Variants in CPEB3 observed in about 807,000 individuals in gnomAD.
CPEB3 encodes cytoplasmic polyadenylation element-binding protein 3.
In CPEB3, 20 loss-of-function variants were observed where a neutral mutation model predicts 67.2. That is an observed-to-expected ratio of 0.30 (90% CI 0.21 to 0.43). The LOEUF (loss-of-function observed/expected upper bound fraction) is 0.43. Ranked by LOEUF, CPEB3 falls within the 20% of genes least tolerant of loss-of-function variation. CPEB3 has a pLI of 1.00. For missense variants in CPEB3, 746 were observed against 968.6 expected (o/e 0.77, Z 3.05); for synonymous variants, 376 against 393.1 (o/e 0.96, Z 0.51).
intron 7 of CPEB3, among the ~76,000 whole-genome samples, chr10:92,100,496 G>GA (rs1324418906): frequency 6.6e-6 from 1 of 152,022 alleles, no homozygotes; most frequent in Non-Finnish European, 1.5e-5. Context: ...GGCTGGTCTC[G>GA]AACTCCTGAC....
At chr10:92,268,631 C>T (rs1853166543) in intron 1 of CPEB3, among the ~76,000 whole-genome samples, 1 of 152,202 alleles carries the variant, frequency 6.6e-6, no homozygotes, top group Non-Finnish European at 1.5e-5. Context: ...TGGTCTCACA[C>T]AACTTGAACT....
chr10:92,243,501 C>T (rs1851935403), intron 1 of CPEB3, among the ~76,000 whole-genome samples: 1 of 152,066 alleles, frequency 6.6e-6, no homozygotes, highest in South Asian at 2.1e-4. Flanking sequence ...TGTCAACTTG[C>T]CATAGGAAGC....
chr10:92,081,018 T>C (rs1047841313), intron 9 of CPEB3, among the ~76,000 whole-genome samples: 4 of 151,994 alleles, frequency 2.6e-5, no homozygotes, highest in African/African-American at 4.8e-5. Context: ...TCACTAGCTC[T>C]CCACCTCTGC....
intron 2 of CPEB3, among the ~76,000 whole-genome samples, chr10:92,208,594 T>C (rs1241689234): frequency 1.3e-5 from 2 of 148,602 alleles, no homozygotes; most frequent in African/African-American, 2.6e-5. Context: ...TTTTTTTTTT[T>C]CTTTCTTTTT....
intron 2 of CPEB3, among the ~76,000 whole-genome samples, chr10:92,226,517 T>C (rs568334109): frequency 1.9e-4 from 29 of 152,268 alleles, no homozygotes; most frequent in African/African-American, 7.0e-4. Flanking sequence ...TAAATGTAGA[T>C]CATAAACACA....
chr10:92,081,551 TC>T, intron 8 of CPEB3, 50 bp from the exon 9 acceptor site: 1 of 1,500,290 alleles, frequency 6.7e-7, no homozygotes, highest in Non-Finnish European at 9.2e-7. Flanking sequence ...TGGGAGGTAC[TC>T]TTGCCCAGGA....
chr10:92,231,911 G>T (rs1851287669), intron 2 of CPEB3, among the ~76,000 whole-genome samples: 1 of 151,660 alleles, frequency 6.6e-6, no homozygotes, highest in East Asian at 1.9e-4. Context: ...GTAGAGACAG[G>T]GTTTCACCAG....
chr10:92,239,653 G>T lies in CPEB3; in HGVS notation c.698C>A (p.Ala233Asp). ...SSAVAAAAAA[A>D]AASSASSSWN... ...GCTGGACGAGGCCGACGAGGCGGCGGCTGCGGCAGCAGCGGCTGCAACCGC... is the reference window on the plus strand; with the variant it reads ...GCTGGACGAGGCCGACGAGGCGGCGTCTGCGGCAGCAGCGGCTGCAACCGC... Residue 233 changes from alanine (A) to aspartate (D), a missense_variant, in exon 2 of 10, where the codon GCC becomes GAC. Physicochemically the swap from Ala to Asp is moderately radical, Grantham distance 126 (BLOSUM62 -2). Coordinates refer to ENST00000265997, the MANE Select transcript of CPEB3 (RefSeq NM_014912.5). The surrounding 1 kb of genome is among the most constrained non-coding windows in gnomAD (Gnocchi z 6.0). The T allele has an allele frequency of 6.4e-7, 1 of 1,561,664 alleles. No individual in the cohort carries two copies. Among genetic ancestry groups the T allele is most frequent in the African/African-American group, 1.4e-5 (1 of 73,672 alleles).
chr10:92,072,240 A>G (rs1450376586), intron 9 of CPEB3, among the ~76,000 whole-genome samples: 1 of 152,206 alleles, frequency 6.6e-6, no homozygotes, highest in Non-Finnish European at 1.5e-5. Flanking sequence ...CTTGACTAAC[A>G]TCCAACCAGA....
intron 2 of CPEB3, among the ~76,000 whole-genome samples, chr10:92,231,894 A>AGT (rs1851287065): frequency 6.6e-6 from 1 of 151,420 alleles, no homozygotes; most frequent in South Asian, 2.1e-4. Flanking sequence ...AAATTTTTGT[A>AGT]TTTTTAGTAG....
intron 3 of CPEB3, among the ~76,000 whole-genome samples, chr10:92,182,707 T>G (rs549971652): frequency 1.1e-3 from 162 of 151,554 alleles, no homozygotes; most frequent in Non-Finnish European, 1.9e-3. Flanking sequence ...ATGCCCATAA[T>G]CCCAGCTACT....
intron 6 of CPEB3, chr10:92,137,592 C>G (rs1846164578): frequency 1.4e-6 from 1 of 695,788 alleles, no homozygotes; most frequent in Non-Finnish European, 2.6e-6. Context: ...AGGGGGTCCA[C>G]CAATTCTACA....
intron 2 of CPEB3, chr10:92,216,458 C>T (rs1850401584): frequency 6.2e-7 from 1 of 1,612,812 alleles, no homozygotes; most frequent in Non-Finnish European, 8.5e-7. Context: ...TTCTCGCCGC[C>T]TCAAGCGGAA....
At chr10:92,121,083 A>G (rs1292382670) in intron 6 of CPEB3, among the ~76,000 whole-genome samples, 1 of 150,872 alleles carries the variant, frequency 6.6e-6, no homozygotes, top group African/African-American at 2.4e-5. Flanking sequence ...ATCTCAGCTC[A>G]TTGCAACCTC....
At chr10:92,121,777 AG>A (rs1422416317) in intron 6 of CPEB3, among the ~76,000 whole-genome samples, 1 of 152,172 alleles carries the variant, frequency 6.6e-6, no homozygotes, top group African/African-American at 2.4e-5. Context: ...CAACCCTAGA[AG>A]GAAAGGTCCA....
intron 7 of CPEB3, among the ~76,000 whole-genome samples, chr10:92,108,422 G>T (rs977707759): frequency 8.0e-5 from 10 of 124,262 alleles, no homozygotes; most frequent in Non-Finnish European, 1.7e-4. Context: ...CCTAGGTAGG[G>T]ACATATGCAT....
At chr10:92,226,919 C>T (rs1236773818) in intron 2 of CPEB3, among the ~76,000 whole-genome samples, 2 of 152,030 alleles carry the variant, frequency 1.3e-5, no homozygotes, top group Non-Finnish European at 1.5e-5. Context: ...GATGTCCGCC[C>T]CCTCCCCCTT....
chr10:92,207,769 C>G (rs1564868111), intron 2 of CPEB3, among the ~76,000 whole-genome samples: 1 of 152,132 alleles, frequency 6.6e-6, no homozygotes, highest in Non-Finnish European at 1.5e-5. Flanking sequence ...ACTCACAAGG[C>G]TGAGGCAGGA....
chr10:92,213,452 G>A (rs1392669864), intron 2 of CPEB3, among the ~76,000 whole-genome samples: 1 of 152,136 alleles, frequency 6.6e-6, no homozygotes, highest in Non-Finnish European at 1.5e-5. Context: ...TCTGTCTAAT[G>A]ATTTAAATTA....
Sources: allele counts gnomAD v4.1 joint callset (sites outside exome capture counted in the v4.1 genomes callset), GRCh38; gene constraint gnomAD v4.1.1; non-coding constraint Gnocchi (gnomAD v3.1); transcripts MANE v1.5; gene names NCBI Gene and HGNC (gene_info 2026-07-23, HGNC 2026-07-21).